The following NPAS3 variants were observed in gnomAD, a reference collection of about 807,000 sequenced individuals.
The protein encoded by NPAS3 is neuronal PAS domain protein 3.
Under a neutral mutation model 73.1 loss-of-function variants are expected in NPAS3, and 14 were observed. The observed-to-expected ratio is 0.19, with a 90% CI of 0.13 to 0.30. The LOEUF (loss-of-function observed/expected upper bound fraction) is 0.30. Ranked by LOEUF, NPAS3 falls within the 10% of genes least tolerant of loss-of-function variation. NPAS3 has a pLI of 1.00. For synonymous variants in NPAS3, 620 were observed against 541.5 expected, an observed-to-expected ratio of 1.14 and a Z score of -2.01; for missense variants, 1,096 against 1,250.0, an observed-to-expected ratio of 0.88 and a Z score of 1.86.
At chr14:32,982,548 A>G (rs1418404017) in intron 1 of NPAS3, among the ~76,000 whole-genome samples, 5 of 152,146 alleles carry the variant, frequency 3.3e-5, no homozygotes, top group Non-Finnish European at 7.3e-5. Flanking sequence ...CATCTCTACG[A>G]AAAGAAAAAA....
chr14:33,280,878 C>G (rs2041573713), intron 3 of NPAS3, among the ~76,000 whole-genome samples: 1 of 152,134 alleles, frequency 6.6e-6, no homozygotes, highest in African/African-American at 2.4e-5. Flanking sequence ...CAAAGCTCAT[C>G]ATTAGCGTGT....
chr14:33,766,141 A>G (rs1462034431), intron 7 of NPAS3, among the ~76,000 whole-genome samples: 1 of 152,208 alleles, frequency 6.6e-6, no homozygotes, highest in Non-Finnish European at 1.5e-5. Flanking sequence ...AGTTGACTTC[A>G]TGTGTAAGAG....
At chr14:33,394,205 T>C (rs1481245916) in intron 4 of NPAS3, among the ~76,000 whole-genome samples, 1 of 152,182 alleles carries the variant, frequency 6.6e-6, no homozygotes, top group Non-Finnish European at 1.5e-5. Context: ...TCAGTGATGC[T>C]GAAGAGATGC....
intron 6 of NPAS3, among the ~76,000 whole-genome samples, chr14:33,691,031 A>C (rs2060222577): frequency 6.6e-6 from 1 of 152,236 alleles, no homozygotes; most frequent in South Asian, 2.1e-4. Flanking sequence ...GTCCTAAATT[A>C]AGTCTGTTGC....
At chr14:33,289,073 A>T (rs570068064) in intron 3 of NPAS3, among the ~76,000 whole-genome samples, 4 of 152,136 alleles carry the variant, frequency 2.6e-5, no homozygotes, top group South Asian at 4.1e-4. Flanking sequence ...GATACCTAAC[A>T]TTTTTTTTAT....
At chr14:33,715,966 T>C (rs994028755) in intron 6 of NPAS3, among the ~76,000 whole-genome samples, 2 of 152,230 alleles carry the variant, frequency 1.3e-5, no homozygotes, top group African/African-American at 4.8e-5. Flanking sequence ...TCCACCATGA[T>C]TGTGAGGCCT....
At chr14:33,588,865 C>A (rs993844439) in intron 5 of NPAS3, among the ~76,000 whole-genome samples, 1 of 152,232 alleles carries the variant, frequency 6.6e-6, no homozygotes, top group African/African-American at 2.4e-5. Flanking sequence ...GATCTACCGG[C>A]CCACCTCAGC....
intron 4 of NPAS3, among the ~76,000 whole-genome samples, chr14:33,548,740 C>T (rs10130952): frequency 1.3e-5 from 2 of 152,022 alleles, no homozygotes; most frequent in African/African-American, 4.8e-5. Flanking sequence ...TATACCTTCC[C>T]AGCAGGCTAA....
intron 2 of NPAS3, among the ~76,000 whole-genome samples, chr14:33,071,633 C>T (rs2041488021): frequency 6.6e-6 from 1 of 152,094 alleles, no homozygotes; most frequent in South Asian, 2.1e-4. Flanking sequence ...ATAATTGCAA[C>T]ATTTACTGTT....
chr14:33,572,959 G>C (rs2056281885), intron 5 of NPAS3, among the ~76,000 whole-genome samples: 1 of 148,054 alleles, frequency 6.8e-6, no homozygotes, highest in Non-Finnish European at 1.5e-5. Context: ...GGAAGCGGAG[G>C]TTGCAGTGAG....
intron 4 of NPAS3, among the ~76,000 whole-genome samples, chr14:33,378,640 AAAAT>A (rs2046407879): frequency 6.6e-6 from 1 of 152,180 alleles, no homozygotes. Flanking sequence ...CACCTCAAAA[AAAAT>A]AAATAAAATA....
intron 1 of NPAS3, among the ~76,000 whole-genome samples, chr14:32,994,618 G>T (rs1279203): frequency 0.85 from 115,914 of 137,062 alleles, 49,063 homozygotes; most frequent in East Asian, 0.93. Context: ...CTAGTTTTTT[G>T]TTTGTTTGTT....
intron 4 of NPAS3, among the ~76,000 whole-genome samples, chr14:33,376,845 G>A (rs1359730012): frequency 6.6e-6 from 1 of 152,134 alleles, no homozygotes; most frequent in Non-Finnish European, 1.5e-5. Context: ...CAGATTGTGA[G>A]GACTGAACAA....
At chr14:33,481,201 C>G (rs1594992608) in intron 4 of NPAS3, among the ~76,000 whole-genome samples, 1 of 152,116 alleles carries the variant, frequency 6.6e-6, no homozygotes, top group African/African-American at 2.4e-5. Context: ...AGACTTGGTT[C>G]AAATCTGGCA....
Position 33,799,727 on chromosome 14 carries a change from C to A in NPAS3, c.1427-7C>A, listed in dbSNP as rs1396593932. 4 of 1,559,326 alleles carry A rather than the reference C, an allele frequency of 2.6e-6. No homozygotes were observed. Among genetic ancestry groups the A allele is most frequent in the Admixed American group, 1.9e-5 (1 of 51,658 alleles). On this transcript the variant is annotated splice_region_variant and splice_polypyrimidine_tract_variant and intron_variant, in intron 11 of 11. Transcript: ENST00000356141. ...CCCCGCCACCGCCGGCCCCCCGCCCCACACAGAGGACAACGAGAACTCCAA... is the reference window on the plus strand; with the variant it reads ...CCCCGCCACCGCCGGCCCCCCGCCCAACACAGAGGACAACGAGAACTCCAA...
At chr14:33,619,448 T>TA (rs146666784) in intron 5 of NPAS3, among the ~76,000 whole-genome samples, 29 of 148,474 alleles carry the variant, frequency 2.0e-4, no homozygotes, top group African/African-American at 4.4e-4. Context: ...CTGAGATGAT[T>TA]AAAAAAAAAA....
intron 2 of NPAS3, among the ~76,000 whole-genome samples, chr14:33,080,355 C>G (rs1032751637): frequency 6.6e-6 from 1 of 152,092 alleles, no homozygotes; most frequent in African/African-American, 2.4e-5. Flanking sequence ...ATCCGCCTAC[C>G]TCGGCCTCCC....
chr14:33,094,182 GA>G (rs2042327421), intron 2 of NPAS3, among the ~76,000 whole-genome samples: 1 of 151,772 alleles, frequency 6.6e-6, no homozygotes, highest in African/African-American at 2.4e-5. Context: ...CTTTTGGGGG[GA>G]AAACCATCTA....
At chr14:33,267,910 C>G (rs1003348728) in intron 3 of NPAS3, among the ~76,000 whole-genome samples, 1 of 152,186 alleles carries the variant, frequency 6.6e-6, no homozygotes, top group East Asian at 1.9e-4. Context: ...CGTACTCACT[C>G]TAGTTCCTCT....
Sources: gnomAD v4.1 joint callset for allele counts (sites outside exome capture counted in the v4.1 genomes callset) on GRCh38, gnomAD v4.1.1 for gene constraint, MANE v1.5 for transcripts, NCBI Gene and HGNC (gene_info 2026-07-23, HGNC 2026-07-21) for gene names.